The following OPCML variants were observed in gnomAD, a reference collection of about 807,000 sequenced individuals.
OPCML encodes opioid binding protein/cell adhesion molecule like.
OPCML carries 13 observed loss-of-function variants against 37.8 expected under a neutral mutation model. That is an observed-to-expected ratio of 0.34 (90% CI 0.22 to 0.55). The LOEUF (loss-of-function observed/expected upper bound fraction) is 0.55. Among genes scored for constraint, OPCML ranks in the 20% least tolerant of loss-of-function variants. OPCML has a pLI of 0.91. For missense variants in OPCML, 341 were observed against 435.6 expected, an observed-to-expected ratio of 0.78 and a Z score of 1.93; for synonymous variants, 176 against 168.8, an observed-to-expected ratio of 1.04 and a Z score of -0.33.
At chr11:132,566,523 A>G (rs1170519767) in intron 3 of OPCML, among the ~76,000 whole-genome samples, 1 of 152,246 alleles carries the variant, frequency 6.6e-6, no homozygotes, top group Non-Finnish European at 1.5e-5. Flanking sequence ...AATTATTATG[A>G]GATCTAAGAT....
chr11:132,657,663 C>T (rs530303108), intron 2 of OPCML, among the ~76,000 whole-genome samples: 1 of 152,170 alleles, frequency 6.6e-6, no homozygotes, highest in East Asian at 1.9e-4. Context: ...GAAGAAGTGG[C>T]CCAGGGGCAC....
chr11:132,433,273 G>A (rs927508825), intron 7 of OPCML, among the ~76,000 whole-genome samples: 1 of 152,172 alleles, frequency 6.6e-6, no homozygotes, highest in Non-Finnish European at 1.5e-5. Context: ...GAGTCATGCC[G>A]CTTTGATGAA....
At chr11:133,381,715 G>A (rs1325781588) in intron 1 of OPCML, among the ~76,000 whole-genome samples, 1 of 152,218 alleles carries the variant, frequency 6.6e-6, no homozygotes, top group African/African-American at 2.4e-5. Context: ...AATGGGCAAT[G>A]TCCTACCTGC....
At chr11:133,416,829 TA>T (rs1565623016) in intron 1 of OPCML, among the ~76,000 whole-genome samples, 1 of 152,116 alleles carries the variant, frequency 6.6e-6, no homozygotes, top group African/African-American at 2.4e-5. Flanking sequence ...GATTTTATGC[TA>T]AAGAAGTGAC....
intron 2 of OPCML, among the ~76,000 whole-genome samples, chr11:132,880,836 G>A (rs1361137923): frequency 6.6e-6 from 1 of 152,150 alleles, no homozygotes; most frequent in East Asian, 1.9e-4. Context: ...ATAGTAATTT[G>A]AAACTGATCC....
At chr11:133,404,381 A>G (rs1008936681) in intron 1 of OPCML, among the ~76,000 whole-genome samples, 1 of 152,202 alleles carries the variant, frequency 6.6e-6, no homozygotes, top group Non-Finnish European at 1.5e-5. Flanking sequence ...AATTCAACCT[A>G]TGCTAGAACT....
At chr11:132,517,925 T>C (rs1338030080) in intron 4 of OPCML, among the ~76,000 whole-genome samples, 2 of 152,158 alleles carry the variant, frequency 1.3e-5, no homozygotes, top group African/African-American at 4.8e-5. Context: ...AACTGCAGAT[T>C]TACATAGAGA....
At chr11:132,942,786 C>A in intron 2 of OPCML, 140 bp downstream of exon 2, 1 of 1,073,706 alleles carries the variant, frequency 9.3e-7, no homozygotes, top group Non-Finnish European at 1.3e-6. Flanking sequence ...GGCACGGCAG[C>A]ACGCAAGCGG....
chr11:133,326,535 G>A (rs1297506851), intron 1 of OPCML, among the ~76,000 whole-genome samples: 1 of 147,194 alleles, frequency 6.8e-6, no homozygotes, highest in Non-Finnish European at 1.5e-5. Context: ...TAAGTGTGTG[G>A]GGGGAGTGGG....
In OPCML at chr11:133,178,404, C is replaced by G. The variant is rs116920183; in HGVS notation, c.62-235394G>C. On this transcript the variant is annotated intron_variant, in intron 1 of 7. Transcript: ENST00000524381. ...CATGGCCTGGCCCAGCCTCTGGGACCTTCTGCGATCTGGAAGGTCACTTTT... is the reference window on the plus strand; with the variant it reads ...CATGGCCTGGCCCAGCCTCTGGGACGTTCTGCGATCTGGAAGGTCACTTTT... Among the ~76,000 whole-genome samples the G allele has an allele frequency of 1.8e-3, 277 of 152,014 alleles. 1 individual carries two copies. In the East Asian group the frequency reaches 0.047, roughly 26 times the overall value.
intron 2 of OPCML, among the ~76,000 whole-genome samples, chr11:132,799,355 A>G (rs1393715857): frequency 6.6e-6 from 1 of 152,132 alleles, no homozygotes; most frequent in Non-Finnish European, 1.5e-5. Context: ...AATCTCATGA[A>G]CCAACTTCTG....
chr11:132,816,846 G>A (rs560158620), intron 2 of OPCML, among the ~76,000 whole-genome samples: 1 of 152,172 alleles, frequency 6.6e-6, no homozygotes, highest in Non-Finnish European at 1.5e-5. Flanking sequence ...GAAGGGTATA[G>A]TCGACAAATA....
At chr11:133,005,577 C>T (rs1947093956) in intron 1 of OPCML, 2 of 984,856 alleles carry the variant, frequency 2.0e-6, no homozygotes, top group South Asian at 4.7e-5. Context: ...TTAATATATC[C>T]CTTTCCTTAG....
intron 1 of OPCML, chr11:133,297,933 G>A (rs1041719919): frequency 6.6e-6 from 1 of 151,976 alleles, no homozygotes; most frequent in Non-Finnish European, 1.5e-5. Context: ...TTTTACTATG[G>A]GTAGAATAGG....
chr11:133,483,739 T>C (rs1041664339), intron 1 of OPCML, among the ~76,000 whole-genome samples: 3 of 149,350 alleles, frequency 2.0e-5, no homozygotes, highest in Admixed American at 2.0e-4. Context: ...GCAGATTAGA[T>C]AGATTCATAG....
chr11:132,499,968 T>G (rs2096242123), intron 4 of OPCML, among the ~76,000 whole-genome samples: 1 of 152,190 alleles, frequency 6.6e-6, no homozygotes, highest in African/African-American at 2.4e-5. Context: ...TGTCTGTGGC[T>G]TAAAGTCACA....
intron 2 of OPCML, among the ~76,000 whole-genome samples, chr11:132,749,484 A>G (rs1945757981): frequency 6.6e-6 from 1 of 152,176 alleles, no homozygotes; most frequent in African/African-American, 2.4e-5. Flanking sequence ...CCTGGAGGTT[A>G]GTTTTTGACA....
rs551013371 is a variant in OPCML, at chr11:133,468,002, A to T, written c.61+64262T>A. Reference sequence around the variant, plus strand: ...TTGGCAATTTTGTCACCTCTACAGTAGGGATGGCAAACAACACATCATGTA... The same window carrying T: ...TTGGCAATTTTGTCACCTCTACAGTTGGGATGGCAAACAACACATCATGTA... On this transcript the variant is annotated intron_variant, in intron 1 of 7. Coordinates refer to ENST00000524381, the MANE Select transcript of OPCML (RefSeq NM_001012393.5). Among the ~76,000 whole-genome samples the T allele has an allele frequency of 8.5e-5, 13 of 152,320 alleles. No individual in the cohort carries two copies. The East Asian group carries it at 1.9e-3, about 23-fold the overall frequency.
At chr11:132,697,238 T>C (rs1269790928) in intron 2 of OPCML, among the ~76,000 whole-genome samples, 2 of 152,244 alleles carry the variant, frequency 1.3e-5, no homozygotes, top group African/African-American at 4.8e-5. Flanking sequence ...GTCATGTTAA[T>C]TAACATATCC....
Sources: allele counts gnomAD v4.1 joint callset (sites outside exome capture counted in the v4.1 genomes callset), GRCh38; gene constraint gnomAD v4.1.1; transcripts MANE v1.5; gene names NCBI Gene and HGNC (gene_info 2026-07-23, HGNC 2026-07-21).